DOCK9: variants seen among roughly 807,000 people sequenced by gnomAD.
DOCK9 encodes the protein dedicator of cytokinesis 9.
In DOCK9, 89 loss-of-function variants were observed where a neutral mutation model predicts 263.3. The ratio of observed to expected loss-of-function variants is 0.34; its 90% CI spans 0.28 to 0.40. DOCK9 has a LOEUF of 0.40. Ranked by LOEUF, DOCK9 falls within the 10% of genes least tolerant of loss-of-function variation. DOCK9 has a pLI of 1.00. For synonymous variants in DOCK9, 976 were observed against 973.1 expected (o/e 1.00, Z -0.06); for missense variants, 2,140 against 2,603.4 (o/e 0.82, Z 3.87).
chr13:98,831,985 ATG>A, intron 39 of DOCK9, 199 bp from the exon 40 acceptor site: 1 of 620,274 alleles, frequency 1.6e-6, no homozygotes, highest in Non-Finnish European at 2.7e-6. Context: ...TGTTTTGGGG[ATG>A]AACCTCCCAG....
intron 15 of DOCK9, among the ~76,000 whole-genome samples, chr13:98,895,479 A>G (rs1377369274): frequency 1.3e-5 from 2 of 152,124 alleles, no homozygotes; most frequent in Non-Finnish European, 2.9e-5. Context: ...AGCCTGGCCA[A>G]TATGGTGAAA....
At chr13:98,913,734 T>C (rs2050430897) in intron 9 of DOCK9, among the ~76,000 whole-genome samples, 1 of 152,180 alleles carries the variant, frequency 6.6e-6, no homozygotes, top group African/African-American at 2.4e-5. Context: ...CTTTTAAGAA[T>C]ATGGAAGCTA....
intron 1 of DOCK9, among the ~76,000 whole-genome samples, chr13:99,062,135 A>T (rs991487406): frequency 2.9e-4 from 44 of 152,144 alleles, no homozygotes; most frequent in Admixed American, 1.4e-3. Context: ...GTCTCTGAAA[A>T]TGCTGGAATT....
chr13:98,946,375 T>A (rs9584972), intron 2 of DOCK9, among the ~76,000 whole-genome samples: 1 of 151,922 alleles, frequency 6.6e-6, no homozygotes, highest in Non-Finnish European at 1.5e-5. Flanking sequence ...CTGGTGAGAC[T>A]TGACTCCCCC....
At position 98,884,046 on chromosome 13, in the gene DOCK9, T is replaced by A. The variant is rs544649501; in HGVS notation, c.2383-147A>T. ...GACTGTGCCGGGCCCATGGCAGGAA[T>A]GCAGCTGATACACATTTCTGCCCCC... is the stretch of plus-strand genomic sequence containing the variant. On this transcript the variant is annotated intron_variant, in intron 21 of 52. Transcript: ENST00000682017. 204 of 594,948 alleles carry A rather than the reference T, an allele frequency of 3.4e-4. No homozygotes were observed. In the African/African-American group the frequency reaches 3.4e-3, roughly 10 times the overall value. 36.9% of individuals were successfully genotyped at this position (594,948 alleles called of 1,614,324 possible). A position where few individuals can be genotyped will look rare whatever the true frequency, so the allele number is the denominator to read the frequency against.
intron 1 of DOCK9, among the ~76,000 whole-genome samples, chr13:98,957,928 CTGCACAGGCACA>C (rs1188798797): frequency 6.9e-6 from 1 of 145,698 alleles, no homozygotes; most frequent in Non-Finnish European, 1.5e-5. Context: ...CCCCAGCTGC[CTGCACAGGCACA>C]GGCACAGGCA....
chr13:98,992,627 T>A (rs575464234), intron 1 of DOCK9, among the ~76,000 whole-genome samples: 3 of 152,096 alleles, frequency 2.0e-5, no homozygotes, highest in Non-Finnish European at 4.4e-5. Flanking sequence ...AAAAGGGAGT[T>A]CCCCAGCACA....
At chr13:98,870,458 C>A (rs970743999) in intron 27 of DOCK9, among the ~76,000 whole-genome samples, 1 of 152,160 alleles carries the variant, frequency 6.6e-6, no homozygotes, top group African/African-American at 2.4e-5. Context: ...CAGGCAAGGC[C>A]AACTCTAACC....
intron 1 of DOCK9, among the ~76,000 whole-genome samples, chr13:98,990,919 T>C (rs1879642546): frequency 6.6e-6 from 1 of 152,242 alleles, no homozygotes; most frequent in South Asian, 2.1e-4. Context: ...CATTCATTAA[T>C]GGATGGATTC....
At chr13:98,942,302 G>A (rs888394503) in intron 2 of DOCK9, among the ~76,000 whole-genome samples, 7 of 149,194 alleles carry the variant, frequency 4.7e-5, no homozygotes, top group Admixed American at 2.7e-4. Flanking sequence ...ACAGTGGCGC[G>A]ATCTTGGCTC....
At chr13:98,847,823 T>C (rs549525654) in intron 37 of DOCK9, 1 of 151,980 alleles carries the variant, frequency 6.6e-6, no homozygotes, top group Non-Finnish European at 1.5e-5. Flanking sequence ...ACTAATACAA[T>C]AACACAGAAT....
intron 1 of DOCK9, among the ~76,000 whole-genome samples, chr13:99,026,326 C>T (rs1886718863): frequency 1.3e-5 from 2 of 152,152 alleles, no homozygotes; most frequent in South Asian, 4.1e-4. Context: ...CAGCACATAT[C>T]AGAGGGTACA....
At chr13:99,004,772 C>CA (rs1199073355) in intron 1 of DOCK9, among the ~76,000 whole-genome samples, 2 of 133,426 alleles carry the variant, frequency 1.5e-5, no homozygotes, top group Non-Finnish European at 3.1e-5. Flanking sequence ...CTGCATTGAC[C>CA]AAAAAACTAT....
chr13:98,979,639 A>G (rs1876618148), upstream of DOCK9, among the ~76,000 whole-genome samples: 1 of 152,054 alleles, frequency 6.6e-6, no homozygotes, highest in African/African-American at 2.4e-5. Flanking sequence ...AAACTACCCA[A>G]TCTCTCAACC....
intron 1 of DOCK9, among the ~76,000 whole-genome samples, chr13:99,026,099 A>C (rs1886680279): frequency 1.3e-5 from 2 of 151,510 alleles, no homozygotes. Flanking sequence ...AAAAAAAAAA[A>C]CAGTTCCCTA....
At chr13:99,053,959 C>T (rs2040812959) in intron 1 of DOCK9, among the ~76,000 whole-genome samples, 1 of 152,144 alleles carries the variant, frequency 6.6e-6, no homozygotes, top group South Asian at 2.1e-4. Context: ...CTGACTACCA[C>T]ATCTCAAAGA....
chr13:98,902,008 G>A (rs772083631), intron 12 of DOCK9, 108 bp from the exon 13 acceptor site: 2 of 1,357,840 alleles, frequency 1.5e-6, no homozygotes, highest in South Asian at 2.9e-5. Flanking sequence ...CTAGTAAAAA[G>A]CACCCAGTGC....
chr13:99,075,248 AT>A (rs778534420), intron 1 of DOCK9, among the ~76,000 whole-genome samples: 21 of 151,810 alleles, frequency 1.4e-4, no homozygotes, highest in Non-Finnish European at 2.5e-4. Context: ...GTTTTTTCAA[AT>A]TGTTGCACAT....
At chr13:99,083,297 C>T (rs1225356712) in intron 1 of DOCK9, among the ~76,000 whole-genome samples, 2 of 151,854 alleles carry the variant, frequency 1.3e-5, no homozygotes, top group Admixed American at 6.6e-5. Flanking sequence ...AAAGAGCTAA[C>T]CATGTTTGAC....
Sources: gnomAD v4.1 joint callset for allele counts (sites outside exome capture counted in the v4.1 genomes callset) on GRCh38, gnomAD v4.1.1 for gene constraint, MANE v1.5 for transcripts, NCBI Gene and HGNC (gene_info 2026-07-23, HGNC 2026-07-21) for gene names.